RBMS3: variants seen among roughly 807,000 people sequenced by gnomAD.
The protein encoded by RBMS3 is RNA-binding motif, single-stranded-interacting protein 3.
In RBMS3, 27 loss-of-function variants were observed where a neutral mutation model predicts 66.8. That is an observed-to-expected ratio of 0.40 (90% CI 0.30 to 0.56). The LOEUF is 0.56. Ranked by LOEUF, RBMS3 falls within the 20% of genes least tolerant of loss-of-function variation. The pLI, the probability that RBMS3 is intolerant of heterozygous loss-of-function variation, is 0.40. For synonymous variants in RBMS3, 188 were observed against 183.0 expected, an observed-to-expected ratio of 1.03 and a Z score of -0.22; for missense variants, 513 against 549.5, an observed-to-expected ratio of 0.93 and a Z score of 0.66.
chr3:29,938,574 A>G (rs1242885590), intron 11 of RBMS3, among the ~76,000 whole-genome samples: 1 of 151,960 alleles, frequency 6.6e-6, no homozygotes, highest in Non-Finnish European at 1.5e-5. Flanking sequence ...ATATTGTTAT[A>G]TTGTTTTCTT....
chr3:29,356,474 G>C (rs2037228557), intron 1 of RBMS3, among the ~76,000 whole-genome samples: 1 of 152,152 alleles, frequency 6.6e-6, no homozygotes, highest in South Asian at 2.1e-4. Context: ...TTTATTTTCA[G>C]AGAGCCTAGT....
At chr3:29,892,406 G>T (rs2060020765) in intron 8 of RBMS3, among the ~76,000 whole-genome samples, 1 of 151,464 alleles carries the variant, frequency 6.6e-6, no homozygotes, top group African/African-American at 2.4e-5. Context: ...GCTGTTCTAT[G>T]CATTGTAGCA....
intron 1 of RBMS3, chr3:29,391,080 T>A: frequency 6.4e-6 from 2 of 310,530 alleles, no homozygotes; most frequent in South Asian, 3.1e-5. Context: ...TAATTAAGAC[T>A]GATGACACCA....
At chr3:29,470,278 A>C (rs1441819670) in intron 2 of RBMS3, among the ~76,000 whole-genome samples, 3 of 151,996 alleles carry the variant, frequency 2.0e-5, no homozygotes. Flanking sequence ...TAAAATACCC[A>C]GCAATTATCT....
chr3:29,847,740 C>T (rs2058820560), intron 6 of RBMS3, among the ~76,000 whole-genome samples: 1 of 152,014 alleles, frequency 6.6e-6, no homozygotes, highest in South Asian at 2.1e-4. Context: ...ACTGCAGGCT[C>T]CGCCTTCCGG....
intron 5 of RBMS3, among the ~76,000 whole-genome samples, chr3:29,747,061 T>C (rs1032146509): frequency 7.9e-5 from 12 of 152,220 alleles, no homozygotes; most frequent in African/African-American, 1.2e-4. Flanking sequence ...TCAAGGACTA[T>C]TGGAGCATCC....
intron 3 of RBMS3, among the ~76,000 whole-genome samples, chr3:29,536,783 C>T (rs916993047): frequency 6.6e-6 from 1 of 152,190 alleles, no homozygotes; most frequent in African/African-American, 2.4e-5. Context: ...AATGAATTGT[C>T]ACATTCTGTG....
intron 4 of RBMS3, among the ~76,000 whole-genome samples, chr3:29,622,441 A>C (rs2048899965): frequency 6.6e-6 from 1 of 152,218 alleles, no homozygotes; most frequent in Non-Finnish European, 1.5e-5. Flanking sequence ...TTTTTATAAT[A>C]TGAATCTAAA....
chr3:29,463,501 C>A (rs1270113645), intron 2 of RBMS3, among the ~76,000 whole-genome samples: 1 of 151,954 alleles, frequency 6.6e-6, no homozygotes, highest in East Asian at 1.9e-4. Context: ...TGCTCCCTTT[C>A]CAGCCAATCC....
At chr3:29,981,349 T>C (rs1160309323) in intron 12 of RBMS3, among the ~76,000 whole-genome samples, 1 of 152,194 alleles carries the variant, frequency 6.6e-6, no homozygotes, top group Non-Finnish European at 1.5e-5. Flanking sequence ...TGGGGTTTTC[T>C]AAATATACAA....
intron 5 of RBMS3, among the ~76,000 whole-genome samples, chr3:29,754,170 T>C (rs1253666069): frequency 3.9e-5 from 6 of 152,078 alleles, no homozygotes; most frequent in Admixed American, 3.9e-4. Context: ...GCCAGGCTGG[T>C]CCGAACTCCT....
At chr3:29,827,898 A>G (rs1039816879) in intron 6 of RBMS3, among the ~76,000 whole-genome samples, 1 of 152,208 alleles carries the variant, frequency 6.6e-6, no homozygotes, top group Non-Finnish European at 1.5e-5. Flanking sequence ...TTTGTGGATC[A>G]CAGTAAATGC....
intron 1 of RBMS3, among the ~76,000 whole-genome samples, chr3:29,378,463 C>T (rs1422816644): frequency 6.9e-6 from 1 of 144,086 alleles, no homozygotes; most frequent in African/African-American, 2.6e-5. Context: ...CAGAGTGAGA[C>T]TCCGTCTCAA....
intron 6 of RBMS3, among the ~76,000 whole-genome samples, chr3:29,798,318 A>AGGGCG (rs2057276199): frequency 3.2e-5 from 2 of 61,756 alleles, no homozygotes; most frequent in Non-Finnish European, 5.8e-5. Flanking sequence ...AGGGAGGGGA[A>AGGGCG]GGGAAGGGAG....
chr3:29,499,837 A>G (rs1280023580), intron 3 of RBMS3, among the ~76,000 whole-genome samples: 3 of 152,216 alleles, frequency 2.0e-5, no homozygotes, highest in Non-Finnish European at 4.4e-5. Flanking sequence ...TCCACAATTC[A>G]AACAGCAGCA....
chr3:29,978,468 AT>A (rs532552989), intron 12 of RBMS3, among the ~76,000 whole-genome samples: 10 of 145,412 alleles, frequency 6.9e-5, no homozygotes, highest in Admixed American at 1.3e-4. Context: ...AAGCAGAAAG[AT>A]TTTTTTTCAT....
chr3:29,581,117 C>T (rs938938395), intron 3 of RBMS3, among the ~76,000 whole-genome samples: 1 of 152,054 alleles, frequency 6.6e-6, no homozygotes, highest in South Asian at 2.1e-4. Context: ...TTTATTTTTT[C>T]ACAAATCTAA....
intron 5 of RBMS3, among the ~76,000 whole-genome samples, chr3:29,747,909 A>G (rs1371836): frequency 0.48 from 72,476 of 151,972 alleles, 18,444 homozygotes; most frequent in African/African-American, 0.65. Context: ...CTTGAAGGTG[A>G]TGTTTCACCA....
chr3:29,772,498 G>A (rs2056253938), intron 6 of RBMS3, among the ~76,000 whole-genome samples: 1 of 151,944 alleles, frequency 6.6e-6, no homozygotes, highest in Admixed American at 6.6e-5. Flanking sequence ...GCTTGTTAAA[G>A]CACAGTAAGA....
Sources: allele counts gnomAD v4.1 joint callset (sites outside exome capture counted in the v4.1 genomes callset), GRCh38; gene constraint gnomAD v4.1.1; transcripts MANE v1.5; gene names NCBI Gene and HGNC (gene_info 2026-07-23, HGNC 2026-07-21).